LIPH: variants seen among roughly 807,000 people sequenced by gnomAD.
The protein encoded by LIPH is lipase H.
In LIPH, 32 loss-of-function variants were observed where a neutral mutation model predicts 47.6. That is an observed-to-expected ratio of 0.67 (90% CI 0.51 to 0.90). The LOEUF (loss-of-function observed/expected upper bound fraction) is 0.90. Ranked by LOEUF, LIPH falls within the 40% of genes least tolerant of loss-of-function variation. LIPH has a pLI of 0.00. For synonymous variants in LIPH, 190 were observed against 195.6 expected (o/e 0.97, Z 0.24); for missense variants, 497 against 541.4 (o/e 0.92, Z 0.81).
Position 185,507,454 on chromosome 3 carries a change from G to A in LIPH, c.*1336C>T, listed in dbSNP as rs1719415123. On this transcript the variant is annotated 3_prime_UTR_variant, in exon 10 of 10. Transcript: ENST00000296252. ...GCAATCACTTGGGTGAAGAGGAGGT[G>A]ACTGGGCCTGTCACCTCCTTTTCAC... 2 of 152,122 alleles carry A rather than the reference G, an allele frequency of 1.3e-5. No individual in the cohort carries two copies. The highest frequency in any genetic ancestry group is 4.8e-5 in the African/African-American group (2 of 41,434). The allele number at this position is 152,122 out of a possible 1,614,324, so 9.4% of individuals were successfully genotyped here. A position where few individuals can be genotyped will look rare whatever the true frequency, so the allele number is the denominator to read the frequency against.
At chr3:185,509,371 G>A (rs1719649) in intron 9 of LIPH, among the ~76,000 whole-genome samples, 84,084 of 151,426 alleles carry the variant, frequency 0.56, 23,515 homozygotes, top group South Asian at 0.73. Flanking sequence ...GTTCACGCTT[G>A]TAATCCCAGC....
chr3:185,524,697 C>T (rs1720012420), intron 4 of LIPH, among the ~76,000 whole-genome samples: 1 of 152,080 alleles, frequency 6.6e-6, no homozygotes, highest in South Asian at 2.1e-4. Context: ...GATCTGCCCG[C>T]CTCGGCCTCC....
intron 1 of LIPH, among the ~76,000 whole-genome samples, chr3:185,538,399 G>C (rs1720566268): frequency 6.6e-6 from 1 of 152,138 alleles, no homozygotes; most frequent in African/African-American, 2.4e-5. Flanking sequence ...TCATATAAAA[G>C]AGATAGAGTG....
intron 3 of LIPH, among the ~76,000 whole-genome samples, chr3:185,530,002 T>C (rs979697010): frequency 6.6e-6 from 1 of 150,632 alleles, no homozygotes; most frequent in African/African-American, 2.4e-5. Context: ...AAATAAGCAG[T>C]GCCTGGCGCG....
chr3:185,515,808 G>A (rs1379021512), intron 7 of LIPH, among the ~76,000 whole-genome samples: 2 of 152,196 alleles, frequency 1.3e-5, no homozygotes, highest in Non-Finnish European at 2.9e-5. Flanking sequence ...TGGGAATGCA[G>A]GCGTGAGCCA....
chr3:185,522,642 G>GAAAA (rs55708932), intron 5 of LIPH, among the ~76,000 whole-genome samples: 3 of 138,292 alleles, frequency 2.2e-5, no homozygotes, highest in Admixed American at 1.5e-4. Context: ...AAAAGAAAGA[G>GAAAA]AGAAAGAAAA....
At chr3:185,527,146 G>C (rs188782557) in intron 4 of LIPH, among the ~76,000 whole-genome samples, 6 of 152,290 alleles carry the variant, frequency 3.9e-5, no homozygotes, top group Admixed American at 2.0e-4. Flanking sequence ...GGCTGAGGCG[G>C]GAGGATGGCG....
intron 3 of LIPH, among the ~76,000 whole-genome samples, chr3:185,532,994 G>A (rs1398781696): frequency 6.6e-6 from 1 of 152,110 alleles, no homozygotes; most frequent in Non-Finnish European, 1.5e-5. Context: ...AAATGGGAGA[G>A]GCTTTGAGAC....
At chr3:185,538,863 A>G (rs1360975557) in intron 1 of LIPH, among the ~76,000 whole-genome samples, 1 of 147,074 alleles carries the variant, frequency 6.8e-6, no homozygotes, top group South Asian at 2.1e-4. Context: ...ATACATATAT[A>G]CATATATACA....
intron 6 of LIPH, among the ~76,000 whole-genome samples, chr3:185,517,733 C>T (rs892994359): frequency 6.6e-6 from 1 of 152,084 alleles, no homozygotes; most frequent in African/African-American, 2.4e-5. Context: ...CAGGGTGGGA[C>T]CCAGGCATCA....
chr3:185,539,542 T>C (rs1379272851), intron 1 of LIPH, among the ~76,000 whole-genome samples: 1 of 151,838 alleles, frequency 6.6e-6, no homozygotes, highest in African/African-American at 2.4e-5. Flanking sequence ...AGCTAATTTT[T>C]GTATTTTTAG....
intron 8 of LIPH, 88 bp from the exon 9 acceptor site, chr3:185,511,785 G>A: frequency 1.1e-6 from 1 of 908,336 alleles, no homozygotes; most frequent in South Asian, 1.3e-5. Context: ...TGGTAAGCTG[G>A]TAACTATTTC....
In LIPH at chr3:185,544,344, T is replaced by TTTTGTTTTGTTTTG. The variant is rs1553826310; in HGVS notation, c.49+8078_49+8079insCAAAACAAAACAAA. The stretch of plus-strand genomic sequence containing the variant: ...ATGGAGAATTTTCCTCTGTTGTTTT[T>TTTTGTTTTGTTTTG]TTTTGTTTTGTTTTGTTTTGTTTTT... On this transcript the variant is annotated intron_variant, in intron 1 of 9. Transcript: ENST00000296252. 3.0e-3 allele frequency among the ~76,000 whole-genome samples: 454 copies of TTTTGTTTTGTTTTG among 151,820 alleles called. 3 individuals are homozygous for TTTTGTTTTGTTTTG. Among genetic ancestry groups the TTTTGTTTTGTTTTG allele is most frequent in the East Asian group, 0.028 (146 of 5,166 alleles).
intron 8 of LIPH, 66 bp from the exon 9 acceptor site, chr3:185,511,763 C>A (rs1719574186): frequency 1.8e-6 from 2 of 1,131,320 alleles, no homozygotes; most frequent in Non-Finnish European, 2.7e-6. Context: ...AGTTTTGAAG[C>A]CTGCAAGTCA....
chr3:185,526,676 TATAATATAATATAAA>T (rs1260413041), intron 4 of LIPH, among the ~76,000 whole-genome samples: 11 of 31,334 alleles, frequency 3.5e-4, no homozygotes, highest in East Asian at 2.1e-3. Flanking sequence ...TATAATATAA[TATAATATAATATAAA>T]ATAAATAAAA....
intron 1 of LIPH, 129 bp downstream of exon 1, chr3:185,552,294 T>C: frequency 1.5e-6 from 1 of 649,464 alleles, no homozygotes; most frequent in Non-Finnish European, 2.8e-6. Context: ...GCTTCCTATA[T>C]CTTTTTCCTT....
chr3:185,535,510 C>T (rs1033981450), intron 1 of LIPH, among the ~76,000 whole-genome samples: 1 of 151,110 alleles, frequency 6.6e-6, no homozygotes, highest in African/African-American at 2.4e-5. Context: ...ACTCTTTTGA[C>T]CTCAAGTGAT....
intron 4 of LIPH, among the ~76,000 whole-genome samples, chr3:185,525,291 A>G (rs1720034283): frequency 6.6e-6 from 1 of 152,172 alleles, no homozygotes; most frequent in African/African-American, 2.4e-5. Context: ...ACCCCCAATC[A>G]GTAAAGTGCT....
intron 4 of LIPH, among the ~76,000 whole-genome samples, chr3:185,526,467 G>A (rs1296242204): frequency 6.6e-6 from 1 of 151,286 alleles, no homozygotes; most frequent in East Asian, 1.9e-4. Flanking sequence ...GTTGCAGCAA[G>A]CCAAGATCAC....
Sources: allele counts gnomAD v4.1 joint callset (sites outside exome capture counted in the v4.1 genomes callset), GRCh38; gene constraint gnomAD v4.1.1; transcripts MANE v1.5; gene names NCBI Gene and HGNC (gene_info 2026-07-23, HGNC 2026-07-21).